Variants in SDC3 observed in about 807,000 individuals in gnomAD.
SDC3 encodes the protein syndecan 3.
A neutral mutation model predicts 24.4 loss-of-function variants in SDC3; 13 were observed. That is an observed-to-expected ratio of 0.53 (90% CI 0.35 to 0.85). SDC3 has a LOEUF of 0.85. Ranked by LOEUF, SDC3 falls within the 40% of genes least tolerant of loss-of-function variation. SDC3 has a pLI of 0.01. For synonymous variants in SDC3, 295 were observed against 260.9 expected, an observed-to-expected ratio of 1.13 and a Z score of -1.26; for missense variants, 571 against 584.5, an observed-to-expected ratio of 0.98 and a Z score of 0.24.
intron 1 of SDC3, among the ~76,000 whole-genome samples, chr1:30,907,460 G>A (rs1638545094): frequency 6.6e-6 from 1 of 152,072 alleles, no homozygotes; most frequent in Non-Finnish European, 1.5e-5. Flanking sequence ...CTATGTCCAG[G>A]GTCCCCCATG....
intron 1 of SDC3, among the ~76,000 whole-genome samples, chr1:30,882,088 C>T (rs1473318588): frequency 6.6e-6 from 1 of 152,156 alleles, no homozygotes. Flanking sequence ...GCACTCCCAA[C>T]ACCCTGCCTC....
intron 1 of SDC3, among the ~76,000 whole-genome samples, chr1:30,902,401 A>G (rs1467849363): frequency 6.6e-6 from 1 of 152,140 alleles, no homozygotes; most frequent in Non-Finnish European, 1.5e-5. Context: ...CCGGAAGTGA[A>G]GGCCACCAGG....
chr1:30,892,088 T>C (rs749293662), intron 1 of SDC3, among the ~76,000 whole-genome samples: 6 of 151,572 alleles, frequency 4.0e-5, no homozygotes, highest in Non-Finnish European at 5.9e-5. Flanking sequence ...GCCAGCCCCT[T>C]CTCCACACAG....
intron 2 of SDC3, 107 bp from the exon 3 acceptor site, chr1:30,877,272 C>G: frequency 7.1e-7 from 1 of 1,411,982 alleles, no homozygotes. Flanking sequence ...CCAACCCCCT[C>G]TCTTTACCCA....
At chr1:30,904,129 G>T (rs1008906972) in intron 1 of SDC3, among the ~76,000 whole-genome samples, 25 of 152,242 alleles carry the variant, frequency 1.6e-4, no homozygotes, top group African/African-American at 5.3e-4. Flanking sequence ...GGAGGCTGAG[G>T]TGGGAGAATC....
At chr1:30,891,145 G>A (rs879661968) in intron 1 of SDC3, among the ~76,000 whole-genome samples, 3 of 152,194 alleles carry the variant, frequency 2.0e-5, no homozygotes, top group Non-Finnish European at 4.4e-5. Flanking sequence ...TCAGGAAAAG[G>A]CATGAGGATA....
At chr1:30,878,594 CAGGCAG>C (rs1193487178) in intron 2 of SDC3, 23 bp downstream of exon 2, 3 of 1,574,998 alleles carry the variant, frequency 1.9e-6, no homozygotes, top group African/African-American at 2.7e-5. Context: ...TCACTGCCCC[CAGGCAG>C]AGGTAGGGAG....
upstream of SDC3, among the ~76,000 whole-genome samples, chr1:30,909,520 A>AGTG (rs1285227632): frequency 6.6e-6 from 1 of 152,146 alleles, no homozygotes; most frequent in Non-Finnish European, 1.5e-5. Flanking sequence ...TCTGAGTGGC[A>AGTG]GTCTCTAGCG....
intron 1 of SDC3, among the ~76,000 whole-genome samples, chr1:30,892,517 G>C (rs1570016560): frequency 6.6e-6 from 1 of 152,344 alleles, no homozygotes; most frequent in Admixed American, 6.5e-5. Flanking sequence ...AGTAGACAGT[G>C]CTTGTGGGAG....
chr1:30,899,600 G>A (rs1023098485), intron 1 of SDC3, among the ~76,000 whole-genome samples: 1 of 152,134 alleles, frequency 6.6e-6, no homozygotes, highest in Admixed American at 6.5e-5. Context: ...TTGAACTCCT[G>A]ACCTCATGAT....
chr1:30,906,452 G>A (rs1033261859), intron 1 of SDC3, among the ~76,000 whole-genome samples: 1 of 152,168 alleles, frequency 6.6e-6, no homozygotes, highest in Admixed American at 6.5e-5. Context: ...CTGTGCATGA[G>A]GCTATTAAAT....
rs1478359283 is a variant in SDC3 at position 30,873,124 on chromosome 1, C to T, written c.*87G>A. 6.1e-6 allele frequency: 6 copies of T among 979,562 alleles called. No individual in the cohort carries two copies. The South Asian group carries it at 7.1e-5, about 12-fold the overall frequency. The allele number at this position is 979,562 out of a possible 1,614,324, so 60.7% of individuals were successfully genotyped here. A position where few individuals can be genotyped will look rare whatever the true frequency, so the allele number is the denominator to read the frequency against. ...AGAAGAACTGGGGCCAGGTTCCAGG[C>T]CCAGTCCCAGGCTTGGGCTGGTGGG... On this transcript the variant is annotated 3_prime_UTR_variant, in exon 5 of 5. Coordinates refer to ENST00000339394, the MANE Select transcript of SDC3 (RefSeq NM_014654.4).
intron 1 of SDC3, among the ~76,000 whole-genome samples, chr1:30,904,484 G>C (rs1638476179): frequency 1.3e-5 from 2 of 151,800 alleles, no homozygotes; most frequent in Admixed American, 1.3e-4. Flanking sequence ...CATTTTTTTT[G>C]TTTTTTGTTT....
intron 1 of SDC3, among the ~76,000 whole-genome samples, chr1:30,902,287 G>T (rs967251868): frequency 6.6e-6 from 1 of 152,216 alleles, no homozygotes; most frequent in Non-Finnish European, 1.5e-5. Context: ...AGCCATGGCC[G>T]CTCAGGCTCC....
At position 30,873,360 on chromosome 1, in the gene SDC3, C is replaced by A; in HGVS notation, c.1180G>T (p.Val394Leu). 6.2e-7 allele frequency: 1 copy of A among 1,613,704 alleles called. No individual in the cohort carries two copies. The highest frequency in any genetic ancestry group is 8.5e-7 in the Non-Finnish European group (1 of 1,179,630). Residue 394 changes from valine (V) to leucine (L), a missense_variant, in exon 5 of 5, where the codon GTG becomes TTG. By Grantham distance (32) the Val-to-Leu change is conservative (BLOSUM62 1). Around this residue, in one of 2 missense-constraint regions of SDC3, gnomAD observed 74 missense variants for 112.9 expected, o/e 0.66. Transcript: ENST00000339394. The part of the protein sequence containing the change: ...EVLVAVIVGG[V>L]VGALFAAFLV... ...AAGGCAGCAAAGAGGGCGCCCACCA[C>A]CCCGCCCACAATCACAGCTGTGGAA...
chr1:30,906,035 T>TG (rs1422950577), intron 1 of SDC3, among the ~76,000 whole-genome samples: 1 of 151,758 alleles, frequency 6.6e-6, no homozygotes, highest in Admixed American at 6.6e-5. Context: ...TGCCCTTCCC[T>TG]GCCCTGTGCC....
At chr1:30,874,852 T>G (rs1639611954) in intron 3 of SDC3, among the ~76,000 whole-genome samples, 1 of 152,246 alleles carries the variant, frequency 6.6e-6, no homozygotes, top group African/African-American at 2.4e-5. Context: ...CTCCACAGTC[T>G]GTGTTTCTAA....
At chr1:30,875,189 TG>T (rs1166263698) in intron 3 of SDC3, among the ~76,000 whole-genome samples, 2 of 152,034 alleles carry the variant, frequency 1.3e-5, no homozygotes, top group South Asian at 2.1e-4. Context: ...GAGACCAAAG[TG>T]GGGGCTGTGG....
At chr1:30,904,714 G>A (rs1288457229) in intron 1 of SDC3, among the ~76,000 whole-genome samples, 1 of 152,110 alleles carries the variant, frequency 6.6e-6, no homozygotes, top group Non-Finnish European at 1.5e-5. Context: ...AAAGCTGAGG[G>A]TCAGGGCAGG....
Sources: gnomAD v4.1 joint callset for allele counts (sites outside exome capture counted in the v4.1 genomes callset) on GRCh38, gnomAD v4.1.1 for gene constraint, gnomAD v4.1.1 regional missense constraint, MANE v1.5 for transcripts, NCBI Gene and HGNC (gene_info 2026-07-23, HGNC 2026-07-21) for gene names.